The following ESYT1 variants were observed in gnomAD, a reference collection of about 807,000 sequenced individuals.
ESYT1 encodes extended synaptotagmin 1.
In ESYT1, 116 loss-of-function variants were observed where a neutral mutation model predicts 154.2. That is an observed-to-expected ratio of 0.75 (90% confidence interval 0.65 to 0.88). The LOEUF is 0.88. Among genes scored for constraint, ESYT1 ranks in the 40% least tolerant of loss-of-function variants. ESYT1 has a pLI of 0.00. For synonymous variants in ESYT1, 500 were observed against 539.9 expected, an observed-to-expected ratio of 0.93 and a Z score of 1.02; for missense variants, 1,264 against 1,379.3, an observed-to-expected ratio of 0.92 and a Z score of 1.32.
chr12:56,133,530 T>C, intron 11 of ESYT1, 58 bp from the exon 12 acceptor site: 1 of 1,613,094 alleles, frequency 6.2e-7, no homozygotes, highest in African/African-American at 1.3e-5. Flanking sequence ...AGTTGCTACA[T>C]TGGTAGGGAA....
intron 5 of ESYT1, 63 bp downstream of exon 5, chr12:56,131,379 G>A: frequency 6.2e-7 from 1 of 1,609,880 alleles, no homozygotes; most frequent in South Asian, 1.1e-5. Context: ...TGGGATATGG[G>A]GAAGTGTGAG....
At chr12:56,141,768 TTA>T (rs567417550) in intron 24 of ESYT1, among the ~76,000 whole-genome samples, 21 of 150,444 alleles carry the variant, frequency 1.4e-4, no homozygotes, top group African/African-American at 4.9e-4. Context: ...TTCTGAAAGT[TTA>T]TGAGGTAAAG....
intron 10 of ESYT1, 136 bp downstream of exon 10, chr12:56,132,937 G>T (rs1870300291): frequency 1.4e-6 from 1 of 709,920 alleles, no homozygotes. Flanking sequence ...TGGCTAACAC[G>T]GTGAAACCCC....
At chr12:56,138,542 T>C in intron 22 of ESYT1, 43 bp downstream of exon 22, 1 of 1,533,394 alleles carries the variant, frequency 6.5e-7, no homozygotes, top group Non-Finnish European at 8.9e-7. Flanking sequence ...CTGGCCCTTC[T>C]TCCACCTTCC....
chr12:56,139,593 A>ATTG (rs1555215165), intron 24 of ESYT1, among the ~76,000 whole-genome samples: 5 of 123,008 alleles, frequency 4.1e-5, no homozygotes, highest in African/African-American at 7.1e-5. Context: ...TTGAGGGTAG[A>ATTG]TTTTTTTTTT....
At position 56,143,332 on chromosome 12, in the gene ESYT1, AG is replaced by A. The variant is rs1217375432; in HGVS notation, c.3225+1del. 1 of 1,613,646 alleles carries A rather than the reference AG, an allele frequency of 6.2e-7. No homozygotes were observed. Among genetic ancestry groups the A allele is most frequent in the Non-Finnish European group, 8.5e-7 (1 of 1,179,846 alleles). On this transcript the variant is annotated frameshift_variant and splice_region_variant, in exon 29 of 31. Transcript: ENST00000394048. LOFTEE classifies it high-confidence loss of function. ...FMSRERELLG[K>X]VQLDLAETDL... Reference sequence around the variant, plus strand: ...TCAAGAGAGCGTGAGCTGCTGGGGAAGGTAAGAGGGCAGGATGGCAGGGCAG... The same window carrying A: ...TCAAGAGAGCGTGAGCTGCTGGGGAAGTAAGAGGGCAGGATGGCAGGGCAG...
intron 23 of ESYT1, 29 bp downstream of exon 23, chr12:56,138,868 G>A: frequency 1.9e-6 from 3 of 1,612,514 alleles, no homozygotes; most frequent in Non-Finnish European, 1.7e-6. Context: ...GGGTAAAAAT[G>A]GGAGGGATAA....
At chr12:56,131,140 T>C (rs900968426) in intron 4 of ESYT1, 27 bp downstream of exon 4, 3 of 1,613,674 alleles carry the variant, frequency 1.9e-6, no homozygotes, top group African/African-American at 2.7e-5. Context: ...CTCTTACTGC[T>C]TCCCCTTCAA....
chr12:56,143,518 A>G, intron 29 of ESYT1, 62 bp from the exon 30 acceptor site: 1 of 1,599,352 alleles, frequency 6.3e-7, no homozygotes, highest in African/African-American at 1.3e-5. Flanking sequence ...CATCATCAGA[A>G]TGAGATCCTG....
intron 15 of ESYT1, among the ~76,000 whole-genome samples, chr12:56,135,098 G>C (rs1870395369): frequency 6.6e-6 from 1 of 151,716 alleles, no homozygotes; most frequent in Non-Finnish European, 1.5e-5. Context: ...AAATTATTCT[G>C]AGGCTGGGCA....
At chr12:56,140,661 T>C (rs1348183481) in intron 24 of ESYT1, among the ~76,000 whole-genome samples, 2 of 151,878 alleles carry the variant, frequency 1.3e-5, no homozygotes, top group Admixed American at 6.6e-5. Flanking sequence ...CCACACCCAG[T>C]CAGGGAAGCC....
At chr12:56,129,490 G>A (rs146310660) in intron 1 of ESYT1, 1 of 152,574 alleles carries the variant, frequency 6.6e-6, no homozygotes, top group African/African-American at 2.4e-5. Context: ...CAGAGGCGAA[G>A]CCGGTTACCC....
rs183188196 is a variant in ESYT1 at position 56,141,469 on chromosome 12, G to A, written c.2593-816G>A. 3.3e-4 allele frequency among the ~76,000 whole-genome samples: 51 copies of A among 152,316 alleles called. 1 individual carries two copies. The highest frequency in any genetic ancestry group is 3.4e-3 in the Middle Eastern group (1 of 294). ...AATTTCTGAAAGCTAGGTTGGGCGC[G>A]GTGGCTCACGCCTGTAATCCCAGCA... On this transcript the variant is annotated intron_variant, in intron 24 of 30. Transcript: ENST00000394048.
intron 14 of ESYT1, 62 bp downstream of exon 14, chr12:56,134,243 T>C: frequency 6.2e-7 from 1 of 1,601,932 alleles, no homozygotes; most frequent in African/African-American, 1.3e-5. Flanking sequence ...ATTCTTGGGA[T>C]GGTTTCCCCT....
rs780839039 is a variant in ESYT1 at position 56,143,866 on chromosome 12, C to T, written c.*4C>T. 6.2e-6 allele frequency: 10 copies of T among 1,613,862 alleles called. No homozygotes were observed. Among genetic ancestry groups the T allele is most frequent in the Non-Finnish European group, 8.5e-6 (10 of 1,179,912 alleles). On this transcript the variant is annotated 3_prime_UTR_variant, in exon 31 of 31. Coordinates refer to ENST00000394048, the MANE Select transcript of ESYT1 (RefSeq NM_015292.3). ...CAAGGACAAGGGCAGCTCCTAGGAGCTGGCGAGTCCCAGCCTGACTGCTCT... is the reference window on the plus strand; with the variant it reads ...CAAGGACAAGGGCAGCTCCTAGGAGTTGGCGAGTCCCAGCCTGACTGCTCT...
rs1422564373 is a variant in ESYT1, at chr12:56,132,617, C to T, written c.1161+20C>T. On this transcript the variant is annotated intron_variant, in intron 9 of 30. Coordinates refer to ENST00000394048, the MANE Select transcript of ESYT1 (RefSeq NM_015292.3). ...TATGAGGTGGGAGAGTTGAGCAGCT[C>T]TGTGAAATGGGGAAGCCCCAGGAGG... 1 of 1,614,120 alleles carries T rather than the reference C, an allele frequency of 6.2e-7. No homozygotes were observed. Among genetic ancestry groups the T allele is most frequent in the Admixed American group, 1.7e-5 (1 of 60,014 alleles).
chr12:56,138,097 CA>C, intron 20 of ESYT1, 23 bp downstream of exon 20: 1 of 1,614,080 alleles, frequency 6.2e-7, no homozygotes. Context: ...TTAGAGTCAA[CA>C]ACCCCTCCTG....
At position 56,133,672 on chromosome 12, in the gene ESYT1, C is replaced by T; in HGVS notation, c.1378C>T (p.Gln460Ter). The change falls in exon 12 of 31, where the codon CAG becomes TAG. Residue 460 changes from glutamine to a stop codon, truncating the protein, a stop_gained and splice_region_variant. Transcript: ENST00000394048. LOFTEE classifies it high-confidence loss of function. ...TTTGTCAGATGCAGAGAAACTGGAGCAGGTAAGCCACATGGGAAATAGGAA... is the reference window on the plus strand; with the variant it reads ...TTTGTCAGATGCAGAGAAACTGGAGTAGGTAAGCCACATGGGAAATAGGAA... The part of the protein sequence containing the change: ...SLLSDAEKLE[Q>*]VLQWNWGVSS... 6.2e-7 allele frequency: 1 copy of T among 1,614,162 alleles called. No homozygotes were observed. Among genetic ancestry groups the T allele is most frequent in the East Asian group, 2.2e-5 (1 of 44,884 alleles).
intron 1 of ESYT1, chr12:56,129,493 G>A (rs559784278): frequency 6.6e-6 from 1 of 152,564 alleles, no homozygotes; most frequent in Non-Finnish European, 1.5e-5. Flanking sequence ...AGGCGAAGCC[G>A]GTTACCCGGC....
Sources: gnomAD v4.1 joint callset for allele counts (sites outside exome capture counted in the v4.1 genomes callset) on GRCh38, gnomAD v4.1.1 for gene constraint, MANE v1.5 for transcripts, NCBI Gene and HGNC (gene_info 2026-07-23, HGNC 2026-07-21) for gene names.